The following MAGI1 variants were observed in gnomAD, a reference collection of about 807,000 sequenced individuals.
The protein encoded by MAGI1 is membrane associated guanylate kinase, WW and PDZ domain containing 1, also known as membrane-associated guanylate kinase, WW and PDZ domain-containing protein 1.
MAGI1 carries 58 observed loss-of-function variants against 139.9 expected under a neutral mutation model. That is an observed-to-expected ratio of 0.41 (90% confidence interval 0.34 to 0.52). The LOEUF is 0.52. Ranked by LOEUF, MAGI1 falls within the 20% of genes least tolerant of loss-of-function variation. The pLI, the probability that MAGI1 is intolerant of heterozygous loss-of-function variation, is 0.12. For missense variants in MAGI1, 1,874 were observed against 1,901.6 expected (o/e 0.99, Z 0.27); for synonymous variants, 812 against 737.9 (o/e 1.10, Z -1.63).
chr3:65,646,411 T>C (rs1003871059), intron 1 of MAGI1, among the ~76,000 whole-genome samples: 1 of 151,922 alleles, frequency 6.6e-6, no homozygotes, highest in Non-Finnish European at 1.5e-5. Flanking sequence ...CAATAACTGA[T>C]AGAACAGAAA....
intron 1 of MAGI1, among the ~76,000 whole-genome samples, chr3:65,670,652 C>T (rs774692848): frequency 6.6e-5 from 10 of 152,060 alleles, no homozygotes; most frequent in African/African-American, 1.9e-4. Flanking sequence ...ATAGTTGGTA[C>T]GTGTTTCTTT....
At chr3:65,956,958 C>T (rs368659875) in intron 1 of MAGI1, among the ~76,000 whole-genome samples, 10 of 152,180 alleles carry the variant, frequency 6.6e-5, no homozygotes, top group African/African-American at 1.7e-4. Flanking sequence ...GCCAAGATCA[C>T]GTCACTGCAC....
intron 14 of MAGI1, among the ~76,000 whole-genome samples, chr3:65,388,775 C>T (rs905377201): frequency 6.6e-6 from 1 of 150,998 alleles, no homozygotes; most frequent in Non-Finnish European, 1.5e-5. Context: ...ATTTGTGCTG[C>T]TCTATCCGAT....
intron 1 of MAGI1, among the ~76,000 whole-genome samples, chr3:65,651,879 T>C (rs1275789437): frequency 6.6e-6 from 1 of 152,188 alleles, no homozygotes; most frequent in African/African-American, 2.4e-5. Flanking sequence ...TTTCAGCTCA[T>C]CTTTGGAGAA....
chr3:65,764,084 G>GAAAAAAAA (rs5849691), intron 1 of MAGI1, among the ~76,000 whole-genome samples: 4 of 125,516 alleles, frequency 3.2e-5, no homozygotes, highest in Non-Finnish European at 3.3e-5. Flanking sequence ...AAGAAAAAAA[G>GAAAAAAAA]AAAAAAAAAA....
intron 1 of MAGI1, among the ~76,000 whole-genome samples, chr3:65,695,565 T>G (rs1349996751): frequency 6.6e-6 from 1 of 152,218 alleles, no homozygotes; most frequent in Non-Finnish European, 1.5e-5. Context: ...TCCCAGGACA[T>G]ATGATCTGAA....
intron 1 of MAGI1, among the ~76,000 whole-genome samples, chr3:65,906,120 T>C (rs1193320027): frequency 6.6e-6 from 1 of 152,218 alleles, no homozygotes; most frequent in Admixed American, 6.5e-5. Flanking sequence ...CCTGAAAATA[T>C]ACTGTTACTA....
rs79712755 is a variant in MAGI1 at position 65,498,609 on chromosome 3, C to G, written c.431-4978G>C. Among the ~76,000 whole-genome samples the G allele has an allele frequency of 9.0e-4, 137 of 152,240 alleles. 2 individuals are homozygous for G. In the East Asian group the frequency reaches 0.025, roughly 28 times the overall value. ...TACCCTCATTTTATTGATGAAGAAG[C>G]TCAGACTCAGAGAAGTAACCTGCCC... On this transcript the variant is annotated intron_variant, in intron 2 of 22. Coordinates refer to ENST00000402939, the MANE Select transcript of MAGI1 (RefSeq NM_001033057.2).
intron 1 of MAGI1, among the ~76,000 whole-genome samples, chr3:65,859,429 A>G (rs561826325): frequency 6.6e-6 from 1 of 151,982 alleles, no homozygotes; most frequent in South Asian, 2.1e-4. Context: ...TAAGCAACTT[A>G]AAACTTTAAG....
intron 2 of MAGI1, among the ~76,000 whole-genome samples, chr3:65,603,914 T>C (rs1229473178): frequency 3.9e-5 from 6 of 152,138 alleles, no homozygotes; most frequent in African/African-American, 1.4e-4. Context: ...CAAGTCTGTT[T>C]AAAAGGATCC....
chr3:65,834,594 G>C (rs919104366), intron 1 of MAGI1, among the ~76,000 whole-genome samples: 1 of 152,210 alleles, frequency 6.6e-6, no homozygotes, highest in Non-Finnish European at 1.5e-5. Context: ...ATTAGATTCA[G>C]TTAGCTGATG....
At chr3:65,659,509 G>C (rs1186304853) in intron 1 of MAGI1, among the ~76,000 whole-genome samples, 1 of 151,994 alleles carries the variant, frequency 6.6e-6, no homozygotes, top group Non-Finnish European at 1.5e-5. Flanking sequence ...ACTCATATTT[G>C]GTGTAAAACT....
At chr3:65,372,632 T>G (rs1406329654) in intron 18 of MAGI1, among the ~76,000 whole-genome samples, 2 of 152,204 alleles carry the variant, frequency 1.3e-5, no homozygotes, top group Non-Finnish European at 2.9e-5. Context: ...CCATCTTCTT[T>G]CAATAGAAGA....
chr3:65,458,186 T>C (rs766153606), intron 5 of MAGI1, among the ~76,000 whole-genome samples: 12 of 152,198 alleles, frequency 7.9e-5, no homozygotes, highest in East Asian at 1.9e-4. Flanking sequence ...CCACTTTCTT[T>C]ATCCATTTAT....
At chr3:65,867,726 C>G (rs2059780047) in intron 1 of MAGI1, among the ~76,000 whole-genome samples, 5 of 152,076 alleles carry the variant, frequency 3.3e-5, no homozygotes, top group Admixed American at 3.3e-4. Context: ...GCACTCCAGC[C>G]TTAGCAACAG....
chr3:65,464,051 C>T (rs1239968353), intron 5 of MAGI1, among the ~76,000 whole-genome samples: 1 of 152,090 alleles, frequency 6.6e-6, no homozygotes, highest in Non-Finnish European at 1.5e-5. Context: ...GAGGAATCTC[C>T]ACCTCTTATT....
intron 1 of MAGI1, among the ~76,000 whole-genome samples, chr3:65,955,321 C>T (rs1171080228): frequency 1.3e-5 from 2 of 152,214 alleles, no homozygotes; most frequent in Non-Finnish European, 2.9e-5. Flanking sequence ...GCCTGGACAA[C>T]ACTGCCTCTT....
chr3:65,928,566 G>A (rs1035120755), intron 1 of MAGI1, among the ~76,000 whole-genome samples: 1 of 152,070 alleles, frequency 6.6e-6, no homozygotes, highest in African/African-American at 2.4e-5. Flanking sequence ...ACATTGTCAC[G>A]GTGGCAAGCA....
chr3:65,735,731 T>G (rs113472222), intron 1 of MAGI1, among the ~76,000 whole-genome samples: 2 of 152,226 alleles, frequency 1.3e-5, no homozygotes, highest in African/African-American at 4.8e-5. Flanking sequence ...CCAAGGAGGC[T>G]CCACAGTTAA....
Sources: gnomAD v4.1 joint callset for allele counts (sites outside exome capture counted in the v4.1 genomes callset) on GRCh38, gnomAD v4.1.1 for gene constraint, MANE v1.5 for transcripts, NCBI Gene and HGNC (gene_info 2026-07-23, HGNC 2026-07-21) for gene names.